Variants in CD177 observed in about 807,000 individuals in gnomAD.
The protein encoded by CD177 is CD177 molecule.
Under a neutral mutation model 38.1 loss-of-function variants are expected in CD177, and 41 were observed. The observed-to-expected ratio is 1.07, with a 90% CI of 0.84 to 1.39. The LOEUF (loss-of-function observed/expected upper bound fraction) is 1.39, where lower values mean the gene tolerates loss of function less well. Among genes scored for constraint, CD177 ranks in the 40% most tolerant of loss-of-function variants. The pLI is 0.00. For synonymous variants in CD177, 236 were observed against 216.7 expected, an observed-to-expected ratio of 1.09 and a Z score of -0.78; for missense variants, 619 against 523.8, an observed-to-expected ratio of 1.18 and a Z score of -1.77.
At chr19:43,362,020 G>T in intron 8 of CD177, 68 bp from the exon 9 acceptor site, 2 of 1,376,944 alleles carry the variant, frequency 1.5e-6, no homozygotes, top group Non-Finnish European at 2.0e-6. Context: ...CTGGGGCCTG[G>T]ACTCCTGGGT....
Position 43,360,407 on chromosome 19 carries a change from T to C in CD177, c.760+2T>C, listed in dbSNP as rs1407458824. 1.0e-5 allele frequency: 16 copies of C among 1,591,708 alleles called. No homozygotes were observed. Among genetic ancestry groups the C allele is most frequent in the Middle Eastern group, 3.3e-4 (2 of 6,044 alleles). ...AGACGCTGCTGCTCCTAGATGTAGG[T>C]ACGTGGACTGAGGTAGAAGACGAAC... On this transcript the variant is annotated splice_donor_variant, in intron 6 of 8. Coordinates refer to ENST00000618265, the MANE Select transcript of CD177 (RefSeq NM_020406.4). LOFTEE classifies it high-confidence loss of function.
intron 8 of CD177, 130 bp from the exon 9 acceptor site, chr19:43,361,958 T>A (rs1326481607): frequency 1.4e-6 from 1 of 707,872 alleles, no homozygotes; most frequent in African/African-American, 1.9e-5. Context: ...GACCCCTGGG[T>A]CTGAGGAGCT....
In CD177 at chr19:43,362,248, G is replaced by A. The variant is rs756915040; in HGVS notation, c.1242G>A (p.Glu414=). The change falls in exon 9 of 9, where the codon GAG becomes GAA. Residue 414 remains glutamate, a synonymous_variant. Coordinates refer to ENST00000618265, the MANE Select transcript of CD177 (RefSeq NM_020406.4). ...AGGGAGGTGGGGCTGAGGGCCTGGA[G>A]TCTCTCACTTGGGGGGTGGGGCTGG... The part of the protein sequence containing the change: ...QHEGGGAEGL[E]SLTWGVGLAL... 6.2e-7 allele frequency: 1 copy of A among 1,611,098 alleles called. No homozygotes were observed. The highest frequency in any genetic ancestry group is 8.5e-7 in the Non-Finnish European group (1 of 1,177,366).
Position 43,353,915 on chromosome 19 carries a change from C to G in CD177, c.115C>G (p.Pro39Ala). The change falls in exon 2 of 9, where the codon CCC (proline) becomes GCC (alanine). Residue 39 changes from proline (P) to alanine (A), a missense_variant. By Grantham distance (27) the Pro-to-Ala change is conservative. Transcript: ENST00000618265. ...VQHVWKVSDLPRQWTPKNTSC... is the reference protein window; with the variant it reads ...VQHVWKVSDLARQWTPKNTSC... The stretch of plus-strand genomic sequence containing the variant: ...GCATGTGTGGAAGGTGTCCGACCTG[C>G]CCCGGCAATGGACCCCTAAGAACAC... The G allele has an allele frequency of 6.2e-7, 1 of 1,613,856 alleles. No individual in the cohort carries two copies. The highest frequency in any genetic ancestry group is 8.5e-7 in the Non-Finnish European group (1 of 1,179,836).
chr19:43,364,425 G>A (rs369371768), downstream of CD177, among the ~76,000 whole-genome samples: 9,219 of 143,538 alleles, frequency 0.064, no homozygotes, highest in African/African-American at 0.13. Flanking sequence ...CTTGTCTTTA[G>A]TGGGTTTCTG....
At chr19:43,355,010 T>A (rs1969902638) in intron 3 of CD177, among the ~76,000 whole-genome samples, 1 of 150,036 alleles carries the variant, frequency 6.7e-6, no homozygotes, top group Non-Finnish European at 1.5e-5. Flanking sequence ...GACTTGACCA[T>A]GTCTGAGTCT....
Position 43,354,402 on chromosome 19 carries a change from G to A in CD177, c.379+10G>A, listed in dbSNP as rs763138326. On this transcript the variant is annotated intron_variant, in intron 3 of 8. Coordinates refer to ENST00000618265, the MANE Select transcript of CD177 (RefSeq NM_020406.4). ...CCACAGCCCCCAGCAGGTGCCTGCG[G>A]GAGGGTCGGGAGGAGAGGGAGGGGC... 29 of 1,613,390 alleles carry A rather than the reference G, an allele frequency of 1.8e-5. No individual in the cohort carries two copies. In the South Asian group the frequency reaches 3.2e-4, roughly 18 times the overall value.
In CD177 at chr19:43,362,348, C is replaced by A; in HGVS notation, c.*28C>A. The stretch of plus-strand genomic sequence containing the variant: ...CTATTACCCCCACGATTCTTCACCG[C>A]TGCTGACCACCCACACTCAACCTCC... On this transcript the variant is annotated 3_prime_UTR_variant, in exon 9 of 9. Transcript: ENST00000618265. 9.4e-7 allele frequency: 1 copy of A among 1,064,592 alleles called. No individual in the cohort carries two copies. The highest frequency in any genetic ancestry group is 1.4e-6 in the Non-Finnish European group (1 of 725,350). The allele number at this position is 1,064,592 out of a possible 1,614,324, so 65.9% of individuals were successfully genotyped here. A position where few individuals can be genotyped will look rare whatever the true frequency, so the allele number is the denominator to read the frequency against.
intron 5 of CD177, 71 bp downstream of exon 5, chr19:43,356,179 C>G (rs1969927422): frequency 2.5e-6 from 1 of 407,248 alleles, no homozygotes; most frequent in Admixed American, 4.9e-5. Context: ...GCATCCAGAG[C>G]CATCACACCA....
At position 43,353,888 on chromosome 19, in the gene CD177, C is replaced by A. The variant is rs1348406011; in HGVS notation, c.88C>A (p.Gln30Lys). 2.5e-6 allele frequency: 4 copies of A among 1,613,874 alleles called. No homozygotes were observed. In the South Asian group the frequency reaches 4.4e-5, roughly 18 times the overall value. The change falls in exon 2 of 9, where the codon CAG (glutamine) becomes AAG (lysine). Residue 30 changes from glutamine (Q) to lysine (K), a missense_variant. Transcript: ENST00000618265. ...GCTGCTCTGCCAGTTTGGGACAGTT[C>A]AGCATGTGTGGAAGGTGTCCGACCT... is the stretch of plus-strand genomic sequence containing the variant. ...QALLCQFGTV[Q>K]HVWKVSDLPR...
downstream of CD177, among the ~76,000 whole-genome samples, chr19:43,365,203 TC>T (rs1018674202): frequency 7.2e-6 from 1 of 138,298 alleles, no homozygotes; most frequent in Non-Finnish European, 1.5e-5. Context: ...GGCCGGGTAG[TC>T]CTCCTGTAAA....
Position 43,354,232 on chromosome 19 carries a change from C to T in CD177, c.219C>T (p.Ser73=). ...ESGPQVSLVL[S]KGCTEAKDQE... is the part of the protein sequence containing the mutation. ...GACCCCAAGTGAGCCTGGTGCTCTC[C>T]AAGGGCTGCACGGAGGCCAAGGACC... is the stretch of plus-strand genomic sequence containing the variant. Residue 73 remains serine (S), a synonymous_variant, in exon 3 of 9, where the codon TCC becomes TCT. Coordinates refer to ENST00000618265, the MANE Select transcript of CD177 (RefSeq NM_020406.4). 6.2e-7 allele frequency: 1 copy of T among 1,613,578 alleles called. No homozygotes were observed. Among genetic ancestry groups the T allele is most frequent in the Non-Finnish European group, 8.5e-7 (1 of 1,179,750 alleles).
At position 43,362,203 on chromosome 19, in the gene CD177, G is replaced by A. The variant is rs1351565430; in HGVS notation, c.1197G>A (p.Gln399=). Residue 399 remains glutamine (Q), a synonymous_variant, in exon 9 of 9, where the codon CAG becomes CAA. Transcript: ENST00000618265. ...IFSAREKRDV[Q]PPASQHEGGG... ...CTGCGCGTGAGAAGCGTGATGTGCA[G>A]CCTCCTGCCTCTCAGCATGAGGGAG... 2 of 1,613,500 alleles carry A rather than the reference G, an allele frequency of 1.2e-6. No individual in the cohort carries two copies. Among genetic ancestry groups the A allele is most frequent in the Admixed American group, 1.7e-5 (1 of 60,012 alleles).
rs965376980 is a variant in CD177, at chr19:43,363,058, T to C, written c.*738T>C. On this transcript the variant is annotated 3_prime_UTR_variant, in exon 9 of 9. Coordinates refer to ENST00000618265, the MANE Select transcript of CD177 (RefSeq NM_020406.4). ...TCCTAGGCTACAAGCCTGCAGTGCATGTTATGGTGTGAATACTGCAGGCAA... is the reference window on the plus strand; with the variant it reads ...TCCTAGGCTACAAGCCTGCAGTGCACGTTATGGTGTGAATACTGCAGGCAA... 6.6e-6 allele frequency: 1 copy of C among 152,136 alleles called. No individual in the cohort carries two copies. The highest frequency in any genetic ancestry group is 1.5e-5 in the Non-Finnish European group (1 of 68,018). The allele number at this position is 152,136 out of a possible 1,614,324, so 9.4% of individuals were successfully genotyped here.
chr19:43,364,163 A>G (rs1006468935), downstream of CD177, among the ~76,000 whole-genome samples: 2 of 152,216 alleles, frequency 1.3e-5, no homozygotes, highest in African/African-American at 4.8e-5. Flanking sequence ...ACAGTGTGTG[A>G]TGGTGACAGT....
At chr19:43,365,288 C>T (rs1970018267), downstream of CD177, among the ~76,000 whole-genome samples, 1 of 138,712 alleles carries the variant, frequency 7.2e-6, no homozygotes, top group Non-Finnish European at 1.6e-5. Flanking sequence ...GCAGCCAGGC[C>T]AGTGCTGGGA....
rs541810499 is a variant in CD177, at chr19:43,362,181, C to T, written c.1175C>T (p.Ala392Val). 46 of 1,613,344 alleles carry T rather than the reference C, an allele frequency of 2.9e-5. No individual in the cohort carries two copies. Among genetic ancestry groups the T allele is most frequent in the African/African-American group, 1.2e-4 (9 of 74,908 alleles). ...NHTRQIGIFS[A>V]REKRDVQPPA... ...ACCAGACAAATCGGGATCTTCTCTG[C>T]GCGTGAGAAGCGTGATGTGCAGCCT... The change falls in exon 9 of 9, where the codon GCG becomes GTG. Residue 392 changes from alanine (A) to valine (V), a missense_variant. Ala to Val is a moderately conservative substitution (Grantham distance 64). Coordinates refer to ENST00000618265, the MANE Select transcript of CD177 (RefSeq NM_020406.4).
chr19:43,355,445 C>T (rs1265151784), intron 3 of CD177: 1 of 547,700 alleles, frequency 1.8e-6, no homozygotes, highest in Non-Finnish European at 3.4e-6. Flanking sequence ...CTGGGTGCCT[C>T]TACCCAGACC....
rs530552922 is a variant in CD177, at chr19:43,354,915, G to C, written c.379+523G>C. The stretch of plus-strand genomic sequence containing the variant: ...CGCTTGCAGGTGAAGGCACTGGCTC[G>C]TTCCAGGGCACCCCCTCATTCCCTT... On this transcript the variant is annotated intron_variant, in intron 3 of 8. Coordinates refer to ENST00000618265, the MANE Select transcript of CD177 (RefSeq NM_020406.4). 1.9e-3 allele frequency among the ~76,000 whole-genome samples: 281 copies of C among 151,804 alleles called. 5 individuals are homozygous for C. The highest frequency in any genetic ancestry group is 6.7e-3 in the African/African-American group (277 of 41,298).
Sources: gnomAD v4.1 joint callset for allele counts (sites outside exome capture counted in the v4.1 genomes callset) on GRCh38, gnomAD v4.1.1 for gene constraint, MANE v1.5 for transcripts, NCBI Gene and HGNC (gene_info 2026-07-23, HGNC 2026-07-21) for gene names.